Variants in PPP2R2B observed in about 807,000 individuals in gnomAD.
PPP2R2B encodes the protein serine/threonine-protein phosphatase 2A 55 kDa regulatory subunit B beta isoform.
Under a neutral mutation model 46.0 loss-of-function variants are expected in PPP2R2B, and 5 were observed. The ratio of observed to expected loss-of-function variants is 0.11; its 90% CI spans 0.06 to 0.23. The LOEUF is 0.23. PPP2R2B is among the 10% of genes least tolerant of loss of function. The probability of loss-of-function intolerance (pLI) is 1.00; values close to 1 mark genes in which losing one functional copy is unlikely to be tolerated. For synonymous variants in PPP2R2B, 215 were observed against 206.7 expected, an observed-to-expected ratio of 1.04 and a Z score of -0.34; for missense variants, 367 against 575.0, an observed-to-expected ratio of 0.64 and a Z score of 3.70.
At chr5:146,618,991 C>G (rs1051339673) in intron 7 of PPP2R2B, among the ~76,000 whole-genome samples, 3 of 152,180 alleles carry the variant, frequency 2.0e-5, no homozygotes, top group African/African-American at 7.2e-5. Flanking sequence ...AACAGTCCTA[C>G]CCCCTTGTCC....
At chr5:146,784,054 C>T (rs939249392) in intron 2 of PPP2R2B, among the ~76,000 whole-genome samples, 1 of 152,090 alleles carries the variant, frequency 6.6e-6, no homozygotes, top group East Asian at 1.9e-4. Context: ...GACTGGAGTA[C>T]CCCAAAATCT....
intron 5 of PPP2R2B, among the ~76,000 whole-genome samples, chr5:146,655,344 C>G (rs991697619): frequency 4.6e-5 from 7 of 152,178 alleles, no homozygotes; most frequent in African/African-American, 9.7e-5. Context: ...GCTCTTCCCC[C>G]CCAGAGAGTG....
intron 1 of PPP2R2B, among the ~76,000 whole-genome samples, chr5:147,033,784 T>A (rs1435127528): frequency 6.6e-6 from 1 of 152,112 alleles, no homozygotes; most frequent in Non-Finnish European, 1.5e-5. Flanking sequence ...TGATCCAATA[T>A]CTATTCATTT....
chr5:146,724,224 G>A (rs1322788277), intron 2 of PPP2R2B, among the ~76,000 whole-genome samples: 1 of 151,892 alleles, frequency 6.6e-6, no homozygotes, highest in African/African-American at 2.4e-5. Context: ...TCAAATCCAG[G>A]TTTTGCAACT....
intron 2 of PPP2R2B, among the ~76,000 whole-genome samples, chr5:146,762,834 C>G (rs1334737341): frequency 1.3e-5 from 2 of 152,196 alleles, no homozygotes; most frequent in East Asian, 3.8e-4. Flanking sequence ...GGGCGACTAG[C>G]ATCATTGTCC....
rs565380422 is a variant in PPP2R2B, at chr5:147,070,113, G to A, written c.50+10946C>T. Reference sequence around the variant, plus strand: ...CCATTTTATATTCTTTATAGCATATGTCATCATCAGAAAATGTCTTGTGTT... The same window carrying A: ...CCATTTTATATTCTTTATAGCATATATCATCATCAGAAAATGTCTTGTGTT... On this transcript the variant is annotated intron_variant, in intron 2 of 10. Coordinates refer to the PPP2R2B transcript ENST00000394413. Among the ~76,000 whole-genome samples, 103 of 152,090 alleles carry A rather than the reference G, an allele frequency of 6.8e-4. 1 individual carries two copies. Among genetic ancestry groups the A allele is most frequent in the Non-Finnish European group, 8.4e-4 (57 of 67,990 alleles).
intron 2 of PPP2R2B, among the ~76,000 whole-genome samples, chr5:146,734,626 C>A (rs1404176490): frequency 1.3e-5 from 2 of 152,076 alleles, no homozygotes; most frequent in African/African-American, 4.8e-5. Flanking sequence ...GACACCCCAC[C>A]CCCTGGCCAT....
chr5:146,932,113 A>T lies in PPP2R2B; in HGVS notation c.79+123552T>A, dbSNP rs992718559. Among the ~76,000 whole-genome samples, 6 of 152,182 alleles carry T rather than the reference A, an allele frequency of 3.9e-5. 1 individual carries two copies. Among genetic ancestry groups the T allele is most frequent in the Admixed American group, 3.3e-4 (5 of 15,272 alleles). On this transcript the variant is annotated intron_variant, in intron 1 of 8. Coordinates refer to the PPP2R2B transcript ENST00000336640. ...AGATTGGCCCACCCATTCATTCAGT[A>T]ACTATTTACAAACATCACTCCCTTT...
chr5:146,966,741 C>T (rs988079663), intron 1 of PPP2R2B, among the ~76,000 whole-genome samples: 5 of 152,094 alleles, frequency 3.3e-5, no homozygotes, highest in African/African-American at 1.2e-4. Context: ...ATATGTGTAG[C>T]CTATAGCATA....
intron 1 of PPP2R2B, among the ~76,000 whole-genome samples, chr5:146,975,142 A>G (rs532984201): frequency 6.6e-6 from 1 of 152,286 alleles, no homozygotes; most frequent in South Asian, 2.1e-4. Flanking sequence ...CTGAAACTCT[A>G]TACTCACTAA....
chr5:146,763,271 G>A (rs1182440856), intron 2 of PPP2R2B, among the ~76,000 whole-genome samples: 4 of 152,178 alleles, frequency 2.6e-5, no homozygotes, highest in Non-Finnish European at 5.9e-5. Context: ...AGGGAAATGT[G>A]CTATTTGATA....
intron 6 of PPP2R2B, among the ~76,000 whole-genome samples, chr5:146,649,240 T>A (rs938533297): frequency 6.6e-6 from 1 of 152,172 alleles, no homozygotes; most frequent in African/African-American, 2.4e-5. Flanking sequence ...TCCATATTGA[T>A]ACCTAGGTCA....
chr5:146,808,664 C>T (rs1757338792), intron 2 of PPP2R2B, among the ~76,000 whole-genome samples: 1 of 151,876 alleles, frequency 6.6e-6, no homozygotes, highest in Non-Finnish European at 1.5e-5. Flanking sequence ...CCTTGGCTCT[C>T]ATGGTTCACT....
At chr5:146,706,815 C>G in intron 2 of PPP2R2B, 1 of 912,768 alleles carries the variant, frequency 1.1e-6, no homozygotes, top group East Asian at 2.4e-5. Flanking sequence ...GCGATCTCCT[C>G]GTACTGTACC....
intron 4 of PPP2R2B, among the ~76,000 whole-genome samples, chr5:146,697,554 C>A (rs1027275610): frequency 1.6e-4 from 24 of 152,210 alleles, no homozygotes; most frequent in African/African-American, 5.1e-4. Flanking sequence ...CAGAGAGACA[C>A]ACAGCCATCT....
intron 1 of PPP2R2B, among the ~76,000 whole-genome samples, chr5:146,891,487 T>C (rs1762489742): frequency 6.6e-6 from 1 of 152,186 alleles, no homozygotes. Context: ...GCAGATTTGC[T>C]CTTTTTAATT....
intron 1 of PPP2R2B, among the ~76,000 whole-genome samples, chr5:147,046,444 C>A (rs1756546965): frequency 6.6e-6 from 1 of 152,144 alleles, no homozygotes. Flanking sequence ...CTCAATCTGC[C>A]AGTGAGGAAA....
At chr5:146,863,736 AC>A (rs1490408609) in intron 2 of PPP2R2B, among the ~76,000 whole-genome samples, 2 of 152,036 alleles carry the variant, frequency 1.3e-5, no homozygotes, top group East Asian at 3.9e-4. Context: ...TATTGTATAA[AC>A]TTTTTTAAAT....
At chr5:146,793,095 A>G (rs1756311633) in intron 2 of PPP2R2B, among the ~76,000 whole-genome samples, 1 of 152,168 alleles carries the variant, frequency 6.6e-6, no homozygotes. Context: ...AAAAGATTAG[A>G]TTCTGGGTAG....
Sources: allele counts gnomAD v4.1 joint callset (sites outside exome capture counted in the v4.1 genomes callset), GRCh38; gene constraint gnomAD v4.1.1; transcripts MANE v1.5; gene names NCBI Gene and HGNC (gene_info 2026-07-23, HGNC 2026-07-21).